Variants in COLGALT1 observed in about 807,000 individuals in gnomAD.
COLGALT1 encodes the protein procollagen galactosyltransferase 1.
In COLGALT1, 43 loss-of-function variants were observed where a neutral mutation model predicts 60.8. The ratio of observed to expected loss-of-function variants is 0.71; its 90% CI spans 0.55 to 0.91. COLGALT1 has a LOEUF of 0.91. Ranked by LOEUF, COLGALT1 falls within the 40% of genes least tolerant of loss-of-function variation. The probability of loss-of-function intolerance (pLI) is 0.00; values close to 1 mark genes in which losing one functional copy is unlikely to be tolerated. For synonymous variants in COLGALT1, 369 were observed against 374.2 expected, an observed-to-expected ratio of 0.99 and a Z score of 0.16; for missense variants, 845 against 880.0, an observed-to-expected ratio of 0.96 and a Z score of 0.50.
chr19:17,577,004 T>TGGGGGAGGGGTGAAGCTGGGGCC, intron 6 of COLGALT1, 191 bp from the exon 7 acceptor site: 1 of 307,166 alleles, frequency 3.3e-6, no homozygotes. Flanking sequence ...GGCCAGGGCT[T>TGGGGGAGGGGTGAAGCTGGGGCC]TGGGCTGCTG....
In COLGALT1 at chr19:17,581,527, C is replaced by A; in HGVS notation, c.*83C>A. Reference sequence around the variant, plus strand: ...TGAGGACATCAGGTCCACCTCTGGACCCCTTGGCAGGCCACAGAGGGCTCT... The same window carrying A: ...TGAGGACATCAGGTCCACCTCTGGAACCCTTGGCAGGCCACAGAGGGCTCT... On this transcript the variant is annotated 3_prime_UTR_variant, in exon 12 of 12. Transcript: ENST00000252599. 2 of 1,497,440 alleles carry A rather than the reference C, an allele frequency of 1.3e-6. No homozygotes were observed. Among genetic ancestry groups the A allele is most frequent in the South Asian group, 1.3e-5 (1 of 76,814 alleles). 92.8% of individuals were successfully genotyped at this position (1,497,440 alleles called of 1,614,324 possible).
At position 17,559,312 on chromosome 19, in the gene COLGALT1, G is replaced by A. The variant is rs2076234217; in HGVS notation, c.262G>A (p.Val88Met). The change falls in exon 2 of 12, where the codon GTG becomes ATG. Residue 88 changes from valine (V) to methionine (M), a missense_variant and splice_region_variant. Val to Met is a conservative substitution (Grantham distance 21, BLOSUM62 1). Coordinates refer to ENST00000252599, the MANE Select transcript of COLGALT1 (RefSeq NM_024656.4). ...RHPRERTALWVATDHNMDNTS... is the reference protein window; with the variant it reads ...RHPRERTALWMATDHNMDNTS... Reference sequence around the variant, plus strand: ...GCTGCCTGTCCCCTCTCCCTGCAGGGTGGCTACGGACCACAACATGGATAA... The same window carrying A: ...GCTGCCTGTCCCCTCTCCCTGCAGGATGGCTACGGACCACAACATGGATAA... The A allele has an allele frequency of 6.4e-7, 1 of 1,551,454 alleles. No individual in the cohort carries two copies. The highest frequency in any genetic ancestry group is 2.0e-5 in the Admixed American group (1 of 50,952).
chr19:17,577,004 T>TG (rs1599793355), intron 6 of COLGALT1, 191 bp from the exon 7 acceptor site: 102 of 308,288 alleles, frequency 3.3e-4, no homozygotes, highest in South Asian at 4.8e-4. Context: ...GGCCAGGGCT[T>TG]TGGGCTGCTG....
intron 5 of COLGALT1, among the ~76,000 whole-genome samples, chr19:17,569,365 C>T (rs1338866648): frequency 6.6e-6 from 1 of 151,978 alleles, no homozygotes; most frequent in African/African-American, 2.4e-5. Context: ...ACATTGAACC[C>T]GTTACACAAT....
intron 10 of COLGALT1, chr19:17,580,038 C>T: frequency 5.1e-6 from 1 of 195,448 alleles, no homozygotes; most frequent in Non-Finnish European, 1.1e-5. Flanking sequence ...GGCTTAGAGA[C>T]TTGACTGAGG....
At chr19:17,556,100 C>A in intron 1 of COLGALT1, 127 bp downstream of exon 1, 1 of 1,081,800 alleles carries the variant, frequency 9.2e-7, no homozygotes, top group Non-Finnish European at 1.2e-6. Context: ...GTGCTTCCTG[C>A]TCGCTACCCC....
At chr19:17,570,125 C>T (rs556560071) in intron 5 of COLGALT1, among the ~76,000 whole-genome samples, 44 of 152,114 alleles carry the variant, frequency 2.9e-4, no homozygotes, top group Non-Finnish European at 5.1e-4. Flanking sequence ...GATCTCTTGA[C>T]CTTGTGATCT....
rs373262114 is a variant in COLGALT1 at position 17,560,481 on chromosome 19, G to A, written c.489+16G>A. 10 of 1,599,336 alleles carry A rather than the reference G, an allele frequency of 6.3e-6. No homozygotes were observed. Among genetic ancestry groups the A allele is most frequent in the South Asian group, 1.1e-5 (1 of 90,800 alleles). On this transcript the variant is annotated intron_variant, in intron 3 of 11. Transcript: ENST00000252599. ...TTACATCCTGGTAAGTTTCTCAGCC[G>A]GCCGGATATGGATCACAGGCAGGTC...
rs563716424 is a variant in COLGALT1 at position 17,567,729 on chromosome 19, A to G, written c.624+189A>G. On this transcript the variant is annotated intron_variant, in intron 4 of 11. Transcript: ENST00000252599. ...TGCGGCAGGCGGGTTGCCTGAGCTCAGGAGTTTGAGACCATCCTGGGCAAC... is the reference window on the plus strand; with the variant it reads ...TGCGGCAGGCGGGTTGCCTGAGCTCGGGAGTTTGAGACCATCCTGGGCAAC... 6.6e-5 allele frequency among the ~76,000 whole-genome samples: 10 copies of G among 152,082 alleles called. No individual in the cohort carries two copies. The East Asian group carries it at 1.9e-3, about 29-fold the overall frequency.
intron 1 of COLGALT1, among the ~76,000 whole-genome samples, chr19:17,558,893 C>A (rs1332299526): frequency 6.6e-6 from 1 of 151,996 alleles, no homozygotes; most frequent in African/African-American, 2.4e-5. Flanking sequence ...GGCGCGGTGG[C>A]TCACGCTTGT....
chr19:17,570,394 C>T (rs2076305549), intron 5 of COLGALT1, among the ~76,000 whole-genome samples: 1 of 151,864 alleles, frequency 6.6e-6, no homozygotes, highest in South Asian at 2.1e-4. Context: ...CACCTGCCTA[C>T]ATGCCCAGCT....
At chr19:17,577,003 T>TGAGAGGCAGGACGGGGGGCGGGGTGAAGC in intron 6 of COLGALT1, 192 bp from the exon 7 acceptor site, 2 of 587,596 alleles carry the variant, frequency 3.4e-6, no homozygotes, top group Non-Finnish European at 6.0e-6. Flanking sequence ...TGGCCAGGGC[T>TGAGAGGCAGGACGGGGGGCGGGGTGAAGC]TTGGGCTGCT....
rs2076205549 is a variant in COLGALT1, at chr19:17,555,695, A to G, written c.-19A>G. 3 of 1,181,212 alleles carry G rather than the reference A, an allele frequency of 2.5e-6. No homozygotes were observed. Among genetic ancestry groups the G allele is most frequent in the East Asian group, 3.8e-5 (1 of 26,604 alleles). The allele number at this position is 1,181,212 out of a possible 1,614,324, so 73.2% of individuals were successfully genotyped here. ...GAGTCCTCCCGCAGAAAAACGACTT[A>G]AAGGAGACGCGTGGCGCGATGGCGG... On this transcript the variant is annotated 5_prime_UTR_variant, in exon 1 of 12. Coordinates refer to ENST00000252599, the MANE Select transcript of COLGALT1 (RefSeq NM_024656.4).
intron 1 of COLGALT1, 152 bp from the exon 2 acceptor site, chr19:17,559,159 C>CAA: frequency 7.8e-6 from 5 of 637,474 alleles, no homozygotes; most frequent in East Asian, 3.1e-5. Context: ...GACTCTGTCT[C>CAA]AAAAAAAAAC....
intron 5 of COLGALT1, among the ~76,000 whole-genome samples, chr19:17,570,982 C>T (rs888618242): frequency 1.3e-5 from 2 of 152,188 alleles, no homozygotes; most frequent in African/African-American, 2.4e-5. Context: ...CATCAGTACC[C>T]AGCCAAGCCC....
chr19:17,555,866 G>A lies in COLGALT1; in HGVS notation c.153G>A (p.Ala51=), dbSNP rs2144810043. The A allele has an allele frequency of 2.9e-6, 4 of 1,374,896 alleles. No individual in the cohort carries two copies. Among genetic ancestry groups the A allele is most frequent in the Middle Eastern group, 5.3e-4 (2 of 3,804 alleles). The allele number at this position is 1,374,896 out of a possible 1,614,324, so 85.2% of individuals were successfully genotyped here. ...ERWSPESPLQ[A]PRVLIALLAR... is the part of the protein sequence containing the mutation. The stretch of plus-strand genomic sequence containing the variant: ...GGAGCCCGGAGTCGCCCCTGCAGGC[G>A]CCGCGCGTGCTCATCGCGCTGTTGG... The change falls in exon 1 of 12, where the codon GCG becomes GCA. Residue 51 remains alanine (A), a synonymous_variant. Coordinates refer to ENST00000252599, the MANE Select transcript of COLGALT1 (RefSeq NM_024656.4).
intron 1 of COLGALT1, among the ~76,000 whole-genome samples, chr19:17,557,968 G>C (rs1290857639): frequency 1.3e-5 from 2 of 151,702 alleles, no homozygotes; most frequent in East Asian, 3.9e-4. Flanking sequence ...ACTGAGTCTC[G>C]CTCTCGTTGC....
chr19:17,569,058 A>G lies in COLGALT1; in HGVS notation c.829+345A>G, dbSNP rs2076296789. ...AGCCTGGCCAACATGGTGAAACCCCATCTCTACTAAAAATACAAAAATTAG... is the reference window on the plus strand; with the variant it reads ...AGCCTGGCCAACATGGTGAAACCCCGTCTCTACTAAAAATACAAAAATTAG... On this transcript the variant is annotated intron_variant, in intron 5 of 11. Coordinates refer to ENST00000252599, the MANE Select transcript of COLGALT1 (RefSeq NM_024656.4). 2.0e-5 allele frequency among the ~76,000 whole-genome samples: 3 copies of G among 151,998 alleles called. 1 individual carries two copies. In the South Asian group the frequency reaches 6.2e-4, roughly 31 times the overall value.
At chr19:17,571,708 ACT>A (rs1008121171) in intron 5 of COLGALT1, among the ~76,000 whole-genome samples, 1 of 151,862 alleles carries the variant, frequency 6.6e-6, no homozygotes, top group Non-Finnish European at 1.5e-5. Context: ...ACAGAACGAG[ACT>A]CTGTCTCAAA....
Sources: gnomAD v4.1 joint callset for allele counts (sites outside exome capture counted in the v4.1 genomes callset) on GRCh38, gnomAD v4.1.1 for gene constraint, MANE v1.5 for transcripts, NCBI Gene and HGNC (gene_info 2026-07-23, HGNC 2026-07-21) for gene names.